The following FAT4 variants were observed in gnomAD, a reference collection of about 807,000 sequenced individuals.
FAT4 encodes the protein protocadherin Fat 4.
A neutral mutation model predicts 303.9 loss-of-function variants in FAT4; 84 were observed. The observed-to-expected ratio is 0.28, with a 90% confidence interval of 0.23 to 0.33. FAT4 has a LOEUF of 0.33. Ranked by LOEUF, FAT4 falls within the 10% of genes least tolerant of loss-of-function variation. The pLI, the probability that FAT4 is intolerant of heterozygous loss-of-function variation, is 1.00. For missense variants in FAT4, 6,005 were observed against 6,146.8 expected (o/e 0.98, Z 0.77); for synonymous variants, 2,307 against 2,298.8 (o/e 1.00, Z -0.10).
At position 125,451,904 on chromosome 4, in the gene FAT4, G is replaced by C; in HGVS notation, c.10894G>C (p.Gly3632Arg). 6.2e-7 allele frequency: 1 copy of C among 1,614,010 alleles called. No homozygotes were observed. The highest frequency in any genetic ancestry group is 8.5e-7 in the Non-Finnish European group (1 of 1,179,996). Reference sequence around the variant, plus strand: ...TAATTATTATGGTAACTTGTTTCCCGGTGGGATTTTAGGCTCTGTGAAGCC... The same window carrying C: ...TAATTATTATGGTAACTTGTTTCCCCGTGGGATTTTAGGCTCTGTGAAGCC... ...FVNYYGNLFP[G>R]GILGSVKPQD... Residue 3632 changes from glycine (G) to arginine (R), a missense_variant, in exon 10 of 18, where the codon GGT becomes CGT. Physicochemically the swap from Gly to Arg is moderately radical, Grantham distance 125. Coordinates refer to ENST00000394329, the MANE Select transcript of FAT4 (RefSeq NM_001291303.3).
At chr4:125,410,805 A>G (rs1448364381) in intron 5 of FAT4, among the ~76,000 whole-genome samples, 1 of 152,140 alleles carries the variant, frequency 6.6e-6, no homozygotes, top group East Asian at 1.9e-4. Context: ...TACATTGACC[A>G]TTGTCTCTAA....
chr4:125,394,466 GC>G (rs1457266190), intron 2 of FAT4, among the ~76,000 whole-genome samples: 8 of 152,088 alleles, frequency 5.3e-5, no homozygotes, highest in Non-Finnish European at 8.8e-5. Context: ...TACAACATAT[GC>G]TTTTTTAGTT....
chr4:125,405,622 T>C (rs1198528124), intron 3 of FAT4, among the ~76,000 whole-genome samples: 1 of 151,994 alleles, frequency 6.6e-6, no homozygotes, highest in Non-Finnish European at 1.5e-5. Flanking sequence ...GCCATTCTCC[T>C]GCATCAGCCT....
intron 7 of FAT4, among the ~76,000 whole-genome samples, chr4:125,425,756 T>C (rs906594674): frequency 1.3e-5 from 2 of 152,128 alleles, no homozygotes; most frequent in Admixed American, 6.5e-5. Flanking sequence ...TTAAATATGT[T>C]ATCCTTTATC....
chr4:125,421,427 A>G lies in FAT4; in HGVS notation c.7018+4805A>G, dbSNP rs184741508. Among the ~76,000 whole-genome samples, 105 of 152,358 alleles carry G rather than the reference A, an allele frequency of 6.9e-4. No homozygotes were observed. The East Asian group carries it at 0.012, about 17-fold the overall frequency. Reference sequence around the variant, plus strand: ...TTTTATTATGGAAATTTTGGTGTTCACATAAATTATTCCAACAGATATATA... The same window carrying G: ...TTTTATTATGGAAATTTTGGTGTTCGCATAAATTATTCCAACAGATATATA... On this transcript the variant is annotated intron_variant, in intron 7 of 17. Transcript: ENST00000394329.
intron 12 of FAT4, among the ~76,000 whole-genome samples, chr4:125,472,219 A>C (rs1462354300): frequency 1.3e-5 from 2 of 152,106 alleles, no homozygotes; most frequent in East Asian, 1.9e-4. Context: ...TAAATGAAAA[A>C]ACTTGGTATG....
chr4:125,329,239 T>C (rs1010434792), intron 2 of FAT4, among the ~76,000 whole-genome samples: 1 of 152,158 alleles, frequency 6.6e-6, no homozygotes, highest in Non-Finnish European at 1.5e-5. Flanking sequence ...ATCTCTTAAA[T>C]CTACTCCCAT....
At chr4:125,453,931 C>T (rs1000019422) in intron 10 of FAT4, among the ~76,000 whole-genome samples, 50 of 152,272 alleles carry the variant, frequency 3.3e-4, no homozygotes, top group African/African-American at 1.2e-3. Context: ...ATGTCTATAT[C>T]ATTATTATCT....
At position 125,490,044 on chromosome 4, in the gene FAT4, C is replaced by A. The variant is rs1560638971; in HGVS notation, c.13228C>A (p.Pro4410Thr). 2.5e-6 allele frequency: 4 copies of A among 1,613,910 alleles called. No homozygotes were observed. In the East Asian group the frequency reaches 6.7e-5, roughly 27 times the overall value. Residue 4410 changes from proline to threonine, a missense_variant, in exon 18 of 18, where the codon CCC becomes ACC. Coordinates refer to ENST00000394329, the MANE Select transcript of FAT4 (RefSeq NM_001291303.3). ...CRGPNICASN[P>T]CWGDLLCINQ... is the part of the protein sequence containing the mutation. Reference sequence around the variant, plus strand: ...TGGCCCGAACATTTGTGCCAGCAACCCCTGCTGGGGTGATTTGCTGTGCAT... The same window carrying A: ...TGGCCCGAACATTTGTGCCAGCAACACCTGCTGGGGTGATTTGCTGTGCAT...
At position 125,408,578 on chromosome 4, in the gene FAT4, C is replaced by T. The variant is rs1474952333; in HGVS notation, c.5704C>T (p.Arg1902Ter). 1.9e-6 allele frequency: 3 copies of T among 1,612,514 alleles called. No individual in the cohort carries two copies. The highest frequency in any genetic ancestry group is 2.5e-6 in the Non-Finnish European group (3 of 1,179,114). ...TATTACTGGGGTCTTTAATTTGACT[C>T]GATTATTAGATTATGAAGTACAGCA... ...NPITGVFNLT[R>*]LLDYEVQQYY... is the part of the protein sequence containing the mutation. Residue 1902 changes from arginine to a stop codon, truncating the protein, a stop_gained, in exon 5 of 18, where the codon CGA becomes TGA. Coordinates refer to ENST00000394329, the MANE Select transcript of FAT4 (RefSeq NM_001291303.3). LOFTEE classifies it high-confidence loss of function.
chr4:125,461,696 C>T (rs1183440695), intron 10 of FAT4, among the ~76,000 whole-genome samples: 1 of 151,818 alleles, frequency 6.6e-6, no homozygotes, highest in Non-Finnish European at 1.5e-5. Flanking sequence ...ATTATGTGTG[C>T]TTTTACAGTG....
At chr4:125,487,918 G>A (rs907027220) in intron 17 of FAT4, among the ~76,000 whole-genome samples, 4 of 152,050 alleles carry the variant, frequency 2.6e-5, no homozygotes, top group Admixed American at 6.6e-5. Flanking sequence ...TGTCCACCAA[G>A]CATTTCATAT....
chr4:125,324,862 A>T (rs1291411852), intron 2 of FAT4, among the ~76,000 whole-genome samples: 5 of 152,168 alleles, frequency 3.3e-5, no homozygotes, highest in Admixed American at 6.5e-5. Flanking sequence ...TTTTAAAACT[A>T]CATTATATTT....
chr4:125,319,134 C>G lies in FAT4; in HGVS notation c.2723C>G (p.Ala908Gly), dbSNP rs376418158. ...GTAAATGTGGTGGAGAATTGGCAGG[C>G]AGGTCACAGCATTTTCCAGGCCAAA... ...ESVNVVENWQ[A>G]GHSIFQAKAV... Residue 908 changes from alanine to glycine, a missense_variant, in exon 2 of 18, where the codon GCA becomes GGA. Physicochemically the swap from Ala to Gly is moderately conservative, Grantham distance 60 (BLOSUM62 0). Coordinates refer to ENST00000394329, the MANE Select transcript of FAT4 (RefSeq NM_001291303.3). 3.1e-6 allele frequency: 5 copies of G among 1,613,884 alleles called. No individual in the cohort carries two copies. Among genetic ancestry groups the G allele is most frequent in the Non-Finnish European group, 4.2e-6 (5 of 1,179,966 alleles).
intron 2 of FAT4, among the ~76,000 whole-genome samples, chr4:125,337,888 C>G (rs1312738420): frequency 1.3e-5 from 2 of 152,032 alleles, no homozygotes; most frequent in African/African-American, 4.8e-5. Flanking sequence ...GCTGTCTTCC[C>G]CAAGAGTATC....
In FAT4 at chr4:125,448,223, A is replaced by G. The variant is rs1179243567; in HGVS notation, c.7451-238A>G. On this transcript the variant is annotated intron_variant, in intron 9 of 17. Coordinates refer to ENST00000394329, the MANE Select transcript of FAT4 (RefSeq NM_001291303.3). ...TCAAAGGCATACTGAAAAGTATTAAATCCAACAGACTGTATAAATTTTAGT... is the reference window on the plus strand; with the variant it reads ...TCAAAGGCATACTGAAAAGTATTAAGTCCAACAGACTGTATAAATTTTAGT... Among the ~76,000 whole-genome samples, 5 of 152,228 alleles carry G rather than the reference A, an allele frequency of 3.3e-5. No homozygotes were observed. The East Asian group carries it at 9.7e-4, about 29-fold the overall frequency.
chr4:125,448,058 G>A (rs1327101310), intron 9 of FAT4, among the ~76,000 whole-genome samples: 1 of 152,070 alleles, frequency 6.6e-6, no homozygotes, highest in Non-Finnish European at 1.5e-5. Context: ...TAGAGCAACG[G>A]TATCATTGCA....
At position 125,317,898 on chromosome 4, in the gene FAT4, G is replaced by C; in HGVS notation, c.1487G>C (p.Gly496Ala). 1 of 1,614,150 alleles carries C rather than the reference G, an allele frequency of 6.2e-7. No homozygotes were observed. The highest frequency in any genetic ancestry group is 8.5e-7 in the Non-Finnish European group (1 of 1,180,030). ...EEAPPGSYVS[G>A]ISATDGDSGL... ...GCGCCTCCGGGAAGCTATGTGAGTGGGATATCTGCCACTGATGGCGACTCT... is the reference window on the plus strand; with the variant it reads ...GCGCCTCCGGGAAGCTATGTGAGTGCGATATCTGCCACTGATGGCGACTCT... Residue 496 changes from glycine (G) to alanine (A), a missense_variant, in exon 2 of 18, where the codon GGG becomes GCG. Coordinates refer to ENST00000394329, the MANE Select transcript of FAT4 (RefSeq NM_001291303.3). The surrounding 1 kb of genome is among the most constrained non-coding windows in gnomAD (Gnocchi z 7.0).
intron 13 of FAT4, among the ~76,000 whole-genome samples, chr4:125,476,946 A>G (rs1348168494): frequency 6.6e-6 from 1 of 152,048 alleles, no homozygotes; most frequent in African/African-American, 2.4e-5. Context: ...TTGAAAACAT[A>G]ATTTCCATAA....
Sources: allele counts gnomAD v4.1 joint callset (sites outside exome capture counted in the v4.1 genomes callset), GRCh38; gene constraint gnomAD v4.1.1; non-coding constraint Gnocchi (gnomAD v3.1); transcripts MANE v1.5; gene names NCBI Gene and HGNC (gene_info 2026-07-23, HGNC 2026-07-21).